The following GLOD4 variants were observed in gnomAD, a reference collection of about 807,000 sequenced individuals.
The protein encoded by GLOD4 is glyoxalase domain containing 4, also known as glyoxalase domain-containing protein 4.
Under a neutral mutation model 39.1 loss-of-function variants are expected in GLOD4, and 44 were observed. The ratio of observed to expected loss-of-function variants is 1.13; its 90% CI spans 0.88 to 1.45. The LOEUF (loss-of-function observed/expected upper bound fraction) is 1.45. Ranked by LOEUF, GLOD4 falls within the 40% of genes most tolerant of loss-of-function variation. The pLI is 0.00. For synonymous variants in GLOD4, 145 were observed against 135.0 expected (o/e 1.07, Z -0.52); for missense variants, 405 against 366.4 (o/e 1.11, Z -0.86).
intron 1 of GLOD4, among the ~76,000 whole-genome samples, chr17:780,100 C>G (rs1408072498): frequency 6.6e-6 from 1 of 151,942 alleles, no homozygotes; most frequent in Non-Finnish European, 1.5e-5. Flanking sequence ...GGAGGCGGAG[C>G]TTGCAGTGAG....
chr17:777,615 C>T (rs1273962936), intron 2 of GLOD4: 1 of 152,118 alleles, frequency 6.6e-6, no homozygotes. Flanking sequence ...GCACTCCCAC[C>T]TGGGTGACAA....
Position 775,939 on chromosome 17 carries a change from A to G in GLOD4, c.262-20T>C. ...GATTCCCTACAACAAACAACAGTACATCCAAGTACATGATCACAACAGATA... is the reference window on the plus strand; with the variant it reads ...GATTCCCTACAACAAACAACAGTACGTCCAAGTACATGATCACAACAGATA... On this transcript the variant is annotated intron_variant, in intron 3 of 8. Coordinates refer to ENST00000301329, the MANE Select transcript of GLOD4 (RefSeq NM_016080.4). 1 of 1,603,466 alleles carries G rather than the reference A, an allele frequency of 6.2e-7. No homozygotes were observed.
chr17:773,445 T>C (rs1908341158), intron 4 of GLOD4, among the ~76,000 whole-genome samples: 1 of 152,212 alleles, frequency 6.6e-6, no homozygotes, highest in Non-Finnish European at 1.5e-5. Flanking sequence ...TATATACGTA[T>C]TTTTGACAAA....
rs779446417 is a variant in GLOD4, at chr17:775,901, T to C, written c.280A>G (p.Ser94Gly). ...NDFMGITLAS[S>G]QAVSNARKLE... ...TTCCTGGCGTTGCTGACAGCCTGGC[T>C]AGAAGCGAGCGTGATTCCCTACAAC... The change falls in exon 4 of 9, where the codon AGC becomes GGC. Residue 94 changes from serine (S) to glycine (G), a missense_variant. Physicochemically the swap from Ser to Gly is moderately conservative, Grantham distance 56 (BLOSUM62 0). Coordinates refer to ENST00000301329, the MANE Select transcript of GLOD4 (RefSeq NM_016080.4). 1 of 1,613,550 alleles carries C rather than the reference T, an allele frequency of 6.2e-7. No homozygotes were observed. Among genetic ancestry groups the C allele is most frequent in the South Asian group, 1.1e-5 (1 of 91,072 alleles).
At chr17:783,432 G>C (rs1910339132), upstream of GLOD4, 1 of 1,165,310 alleles carries the variant, frequency 8.6e-7, no homozygotes, top group Non-Finnish European at 1.2e-6. Context: ...CGCCTCTCGG[G>C]TTCAAGGGAT....
chr17:783,895 C>A (rs1476690974), upstream of GLOD4, among the ~76,000 whole-genome samples: 1 of 152,098 alleles, frequency 6.6e-6, no homozygotes, highest in Non-Finnish European at 1.5e-5. Context: ...CTTTCTATGT[C>A]AGATTAAAAA....
Position 776,953 on chromosome 17 carries a change from C to G in GLOD4, c.176G>C (p.Gly59Ala). ...YDGKWSKTMV[G>A]FGPEDDHFVA... ...AAAATGATCATCCTCAGGCCCAAAT[C>G]CCACCATTGTTTTACTCCATTTCCC... The change falls in exon 3 of 9, where the codon GGA (glycine) becomes GCA (alanine). Residue 59 changes from glycine to alanine, a missense_variant. Coordinates refer to ENST00000301329, the MANE Select transcript of GLOD4 (RefSeq NM_016080.4). 6.2e-7 allele frequency: 1 copy of G among 1,605,138 alleles called. No individual in the cohort carries two copies. The highest frequency in any genetic ancestry group is 1.3e-5 in the African/African-American group (1 of 74,832).
intron 4 of GLOD4, among the ~76,000 whole-genome samples, 175 bp from the exon 5 acceptor site, chr17:771,636 G>C (rs374113948): frequency 6.6e-6 from 1 of 152,252 alleles, no homozygotes; most frequent in African/African-American, 2.4e-5. Flanking sequence ...GGGAGACTGA[G>C]GTAGGAGGAT....
chr17:783,054 CT>C (rs773249946), upstream of GLOD4: 132 of 1,512,366 alleles, frequency 8.7e-5, no homozygotes, highest in African/African-American at 7.8e-4. Context: ...TGATAGTTAC[CT>C]GTTTTTTTTT....
At chr17:770,773 T>A (rs1259141245) in intron 5 of GLOD4, 3 of 327,982 alleles carry the variant, frequency 9.1e-6, no homozygotes, top group Non-Finnish European at 1.7e-5. Context: ...TGTTACCATG[T>A]CAATACATAA....
upstream of GLOD4, chr17:782,745 A>G: frequency 2.6e-6 from 4 of 1,536,632 alleles, no homozygotes; most frequent in Non-Finnish European, 3.5e-6. Flanking sequence ...CCCGTCGCAC[A>G]GCGGAACCTT....
chr17:765,860 G>T (rs1302298368), intron 8 of GLOD4, among the ~76,000 whole-genome samples: 2 of 151,878 alleles, frequency 1.3e-5, no homozygotes, highest in African/African-American at 4.8e-5. Flanking sequence ...GGAGGCTGAG[G>T]CAAGAGAACT....
chr17:766,290 C>G (rs988547525), intron 8 of GLOD4, among the ~76,000 whole-genome samples: 2 of 139,256 alleles, frequency 1.4e-5, no homozygotes, highest in African/African-American at 2.7e-5. Flanking sequence ...AGAGAGAGAC[C>G]CCGTCTTAAA....
chr17:782,283 G>A (rs753172000), upstream of GLOD4: 7 of 1,611,490 alleles, frequency 4.3e-6, no homozygotes, highest in South Asian at 2.2e-5. Context: ...GCCGTCACGC[G>A]CACCGTACAG....
chr17:782,553 C>A, upstream of GLOD4: 2 of 1,614,028 alleles, frequency 1.2e-6, no homozygotes, highest in Non-Finnish European at 8.5e-7. Context: ...GAAGCAGCCC[C>A]GCAAGGCACC....
intron 3 of GLOD4, 66 bp downstream of exon 3, chr17:776,802 C>G (rs771060617): frequency 1.7e-5 from 20 of 1,188,128 alleles, no homozygotes; most frequent in Admixed American, 8.4e-5. Context: ...CCTTGGCACT[C>G]TACTCAAATT....
chr17:775,055 G>A (rs1297651868), intron 4 of GLOD4, among the ~76,000 whole-genome samples: 3 of 148,640 alleles, frequency 2.0e-5, no homozygotes, highest in Non-Finnish European at 4.4e-5. Flanking sequence ...GGGCGACAGA[G>A]CAAGACTCCG....
intron 6 of GLOD4, 65 bp from the exon 7 acceptor site, chr17:770,222 G>C: frequency 1.2e-6 from 1 of 867,532 alleles, no homozygotes; most frequent in Non-Finnish European, 1.9e-6. Context: ...GCCCTCGTCA[G>C]TCCTAGAGGA....
At chr17:770,560 G>A (rs940934181) in intron 5 of GLOD4, 53 bp from the exon 6 acceptor site, 29 of 823,926 alleles carry the variant, frequency 3.5e-5, no homozygotes, top group Non-Finnish European at 5.4e-5. Context: ...TTCATTACAC[G>A]TATGTGGTAG....
Sources: allele counts gnomAD v4.1 joint callset (sites outside exome capture counted in the v4.1 genomes callset), GRCh38; gene constraint gnomAD v4.1.1; transcripts MANE v1.5; gene names NCBI Gene and HGNC (gene_info 2026-07-23, HGNC 2026-07-21).